The following ASB4 variants were observed in gnomAD, a reference collection of about 807,000 sequenced individuals.
The protein encoded by ASB4 is ankyrin repeat and SOCS box protein 4.
A neutral mutation model predicts 38.6 loss-of-function variants in ASB4; 35 were observed. The observed-to-expected ratio is 0.91, with a 90% CI of 0.69 to 1.20. ASB4 has a LOEUF of 1.20. ASB4 is among the 50% of genes most tolerant of loss of function. The pLI is 0.00. For missense variants in ASB4, 557 were observed against 527.2 expected (o/e 1.06, Z -0.55); for synonymous variants, 195 against 201.3 (o/e 0.97, Z 0.26).
upstream of ASB4, among the ~76,000 whole-genome samples, chr7:95,475,157 C>A (rs572242297): frequency 3.9e-5 from 6 of 152,156 alleles, no homozygotes; most frequent in African/African-American, 1.2e-4. Flanking sequence ...TGTAACAAGC[C>A]CACCAGAGGA....
rs115373925 is a variant in ASB4, at chr7:95,527,472, T to C, written c.488-341T>C. 7.5e-3 allele frequency among the ~76,000 whole-genome samples: 1,136 copies of C among 152,340 alleles called. 13 individuals are homozygous for C. The highest frequency in any genetic ancestry group is 0.026 in the African/African-American group (1,078 of 41,572). On this transcript the variant is annotated intron_variant, in intron 2 of 4. Coordinates refer to ENST00000325885, the MANE Select transcript of ASB4 (RefSeq NM_016116.3). ...GATATTAGCAAATATCATTGTTATG[T>C]TGATTAAGAAGATTTAGTTGTAGAA...
chr7:95,500,870 T>C (rs983394134), intron 2 of ASB4, among the ~76,000 whole-genome samples: 11 of 152,126 alleles, frequency 7.2e-5, no homozygotes, highest in African/African-American at 7.2e-5. Context: ...CCTCCAGCAA[T>C]TGTGCTCTTC....
At chr7:95,520,362 A>G (rs73711340) in intron 2 of ASB4, among the ~76,000 whole-genome samples, 1,921 of 152,348 alleles carry the variant, frequency 0.013, 37 homozygotes, top group African/African-American at 0.043. Context: ...CACTCTGTCT[A>G]CAAACTCAGG....
At chr7:95,540,594 T>C (rs965594835), downstream of ASB4, among the ~76,000 whole-genome samples, 8 of 152,214 alleles carry the variant, frequency 5.3e-5, no homozygotes, top group African/African-American at 1.7e-4. Flanking sequence ...GGAAATTACA[T>C]CCTCATGACG....
At chr7:95,543,147 T>C (rs1326418548), downstream of ASB4, 1 of 152,192 alleles carries the variant, frequency 6.6e-6, no homozygotes. Flanking sequence ...TGGGAACCAA[T>C]ATAGATTACG....
At chr7:95,494,354 A>T (rs988940939) in intron 1 of ASB4, among the ~76,000 whole-genome samples, 11 of 152,172 alleles carry the variant, frequency 7.2e-5, no homozygotes, top group African/African-American at 2.7e-4. Context: ...TGGACACTAC[A>T]CTTTTATTAA....
At position 95,514,590 on chromosome 7, in the gene ASB4, C is replaced by T. The variant is rs576965020; in HGVS notation, c.488-13223C>T. ...CACAAATTCTCCCTCCCTTTAAATT[C>T]ATCATTCTGACAGGCATGCAACCTA... On this transcript the variant is annotated intron_variant, in intron 2 of 4. Coordinates refer to ENST00000325885, the MANE Select transcript of ASB4 (RefSeq NM_016116.3). Among the ~76,000 whole-genome samples the T allele has an allele frequency of 2.0e-5, 3 of 152,228 alleles. 1 individual carries two copies. Among genetic ancestry groups the T allele is most frequent in the African/African-American group, 7.2e-5 (3 of 41,542 alleles).
chr7:95,473,170 C>T, the ASB4 span, among the ~76,000 whole-genome samples: 3 of 152,284 alleles, frequency 2.0e-5, no homozygotes, highest in Non-Finnish European at 2.9e-5. Flanking sequence ...AAGGGAATTT[C>T]TCACCTCTAT....
intron 2 of ASB4, among the ~76,000 whole-genome samples, chr7:95,506,815 G>A (rs1000616757): frequency 1.3e-5 from 2 of 150,412 alleles, no homozygotes; most frequent in African/African-American, 2.4e-5. Flanking sequence ...TCTGAAAAAT[G>A]TTCCTGAATT....
chr7:95,534,971 C>T (rs1790868366), intron 3 of ASB4, among the ~76,000 whole-genome samples: 1 of 152,206 alleles, frequency 6.6e-6, no homozygotes, highest in African/African-American at 2.4e-5. Flanking sequence ...CTGGCTTCAT[C>T]TTACCAGCTC....
At chr7:95,503,103 A>G (rs1486968577) in intron 2 of ASB4, among the ~76,000 whole-genome samples, 2 of 152,234 alleles carry the variant, frequency 1.3e-5, no homozygotes, top group Non-Finnish European at 2.9e-5. Context: ...TTAAAATATC[A>G]GAGTGAAACT....
chr7:95,520,250 G>A (rs142420362), intron 2 of ASB4, among the ~76,000 whole-genome samples: 3 of 152,300 alleles, frequency 2.0e-5, no homozygotes, highest in East Asian at 3.9e-4. Flanking sequence ...AGGAAGTTAC[G>A]GACAAAGGGA....
rs1296314543 is a variant in ASB4, at chr7:95,495,946, C to A, written c.376C>A (p.Leu126Ile). The change falls in exon 2 of 5, where the codon CTC (leucine) becomes ATC (isoleucine). Residue 126 changes from leucine to isoleucine, a missense_variant. Coordinates refer to ENST00000325885, the MANE Select transcript of ASB4 (RefSeq NM_016116.3). ...GGCCAATGTGGATTGTGTTAAGATC[C>A]TCTGTGATCGTGGGGCAAAGCTCAA... ...EMANVDCVKI[L>I]CDRGAKLNCY... 6.2e-7 allele frequency: 1 copy of A among 1,614,104 alleles called. No individual in the cohort carries two copies. The highest frequency in any genetic ancestry group is 1.1e-5 in the South Asian group (1 of 91,080).
upstream of ASB4, among the ~76,000 whole-genome samples, chr7:95,476,164 G>T (rs1255479378): frequency 6.6e-6 from 1 of 152,124 alleles, no homozygotes; most frequent in Non-Finnish European, 1.5e-5. Flanking sequence ...CTTGAGATTG[G>T]GGCTGAATCC....
intron 2 of ASB4, among the ~76,000 whole-genome samples, chr7:95,497,019 C>A (rs1790260581): frequency 6.6e-6 from 1 of 151,902 alleles, no homozygotes; most frequent in African/African-American, 2.4e-5. Context: ...GCTACTATGA[C>A]CAGAGTATCA....
At position 95,538,265 on chromosome 7, in the gene ASB4, T is replaced by C. The variant is rs2116661245; in HGVS notation, c.*506T>C. 6.5e-6 allele frequency: 1 copy of C among 152,832 alleles called. No homozygotes were observed. The highest frequency in any genetic ancestry group is 2.1e-4 in the South Asian group (1 of 4,856). The allele number at this position is 152,832 out of a possible 1,614,324, so 9.5% of individuals were successfully genotyped here. The stretch of plus-strand genomic sequence containing the variant: ...TACTCCCCAAACCAAGCTACTCAAG[T>C]TTATTTCAGTGATGAAGGCATATGA... On this transcript the variant is annotated 3_prime_UTR_variant, in exon 5 of 5. Coordinates refer to ENST00000325885, the MANE Select transcript of ASB4 (RefSeq NM_016116.3).
intron 2 of ASB4, among the ~76,000 whole-genome samples, chr7:95,506,046 C>T (rs769480417): frequency 4.6e-5 from 7 of 151,924 alleles, no homozygotes; most frequent in Non-Finnish European, 8.8e-5. Context: ...GGCACATGGG[C>T]CGTGCCTGGC....
At chr7:95,525,095 G>A (rs996835045) in intron 2 of ASB4, among the ~76,000 whole-genome samples, 5 of 152,178 alleles carry the variant, frequency 3.3e-5, no homozygotes, top group African/African-American at 1.2e-4. Flanking sequence ...GCCATGTGAA[G>A]GTGAAGGCAG....
intron 1 of ASB4, among the ~76,000 whole-genome samples, chr7:95,479,480 C>T (rs1364265838): frequency 1.3e-5 from 2 of 152,184 alleles, no homozygotes; most frequent in African/African-American, 4.8e-5. Flanking sequence ...TTTAATTGTA[C>T]TAGCTTGCTG....
Sources: gnomAD v4.1 joint callset for allele counts (sites outside exome capture counted in the v4.1 genomes callset) on GRCh38, gnomAD v4.1.1 for gene constraint, MANE v1.5 for transcripts, NCBI Gene and HGNC (gene_info 2026-07-23, HGNC 2026-07-21) for gene names.